NRG1: variants seen among roughly 807,000 people sequenced by gnomAD.
NRG1 encodes the protein neuregulin 1, also known as pro-neuregulin-1, membrane-bound isoform.
Under a neutral mutation model 63.8 loss-of-function variants are expected in NRG1, and 18 were observed. The ratio of observed to expected loss-of-function variants is 0.28; its 90% CI spans 0.19 to 0.42. NRG1 has a LOEUF of 0.42. Ranked by LOEUF, NRG1 falls within the 10% of genes least tolerant of loss-of-function variation. NRG1 has a pLI of 1.00. For synonymous variants in NRG1, 302 were observed against 301.3 expected (o/e 1.00, Z -0.02); for missense variants, 762 against 814.7 (o/e 0.94, Z 0.79).
intron 1 of NRG1, among the ~76,000 whole-genome samples, chr8:31,992,903 C>G (rs1167453954): frequency 6.6e-6 from 1 of 151,858 alleles, no homozygotes; most frequent in Non-Finnish European, 1.5e-5. Context: ...TAAGTGGGCT[C>G]TCTTCCAAAA....
At chr8:31,684,559 G>T (rs1563290204) in intron 1 of NRG1, among the ~76,000 whole-genome samples, 1 of 152,030 alleles carries the variant, frequency 6.6e-6, no homozygotes, top group Non-Finnish European at 1.5e-5. Flanking sequence ...ACTAATACAG[G>T]GACTCAGCAG....
rs921239655 is a variant in NRG1, at chr8:32,331,093, TA to T, written c.38-264726del. Among the ~76,000 whole-genome samples the T allele has an allele frequency of 3.1e-3, 470 of 151,326 alleles. 2 individuals are homozygous for T. The highest frequency in any genetic ancestry group is 0.01 in the African/African-American group (429 of 41,266). On this transcript the variant is annotated intron_variant, in intron 1 of 10. Transcript: ENST00000519301. Reference sequence around the variant, plus strand: ...ATTCCTTTTGCCTTTTTGTGGCGTGTAAAAAAAAAGAAATCCATAAATAGAG... The same window carrying T: ...ATTCCTTTTGCCTTTTTGTGGCGTGTAAAAAAAAGAAATCCATAAATAGAG...
At chr8:31,870,748 T>A (rs926199847) in intron 1 of NRG1, among the ~76,000 whole-genome samples, 1 of 151,996 alleles carries the variant, frequency 6.6e-6, no homozygotes, top group Admixed American at 6.5e-5. Context: ...ATTTATTTAT[T>A]TTTTTTAGTG....
At chr8:32,149,148 T>C (rs1424552586) in intron 1 of NRG1, among the ~76,000 whole-genome samples, 1 of 152,172 alleles carries the variant, frequency 6.6e-6, no homozygotes, top group African/African-American at 2.4e-5. Context: ...CAAAAGATAA[T>C]TTTAGTCACT....
chr8:32,129,258 T>G (rs1834491930), intron 1 of NRG1, among the ~76,000 whole-genome samples: 1 of 151,930 alleles, frequency 6.6e-6, no homozygotes. Context: ...GCGTGGTGCC[T>G]TAGAACAACA....
At chr8:31,783,612 A>T (rs10099903) in intron 1 of NRG1, among the ~76,000 whole-genome samples, 1 of 151,760 alleles carries the variant, frequency 6.6e-6, no homozygotes, top group African/African-American at 2.4e-5. Flanking sequence ...GCAAAAAAAA[A>T]AAAAAACAAA....
rs543465399 is a variant in NRG1 at position 32,314,108 on chromosome 8, T to G, written c.38-281720T>G. On this transcript the variant is annotated intron_variant, in intron 1 of 10. Transcript: ENST00000519301. ...TTGAAGATTAATAAATCCTTACCTCTGTTTGGTTGCACTTAGCCAGCAAAT... is the reference window on the plus strand; with the variant it reads ...TTGAAGATTAATAAATCCTTACCTCGGTTTGGTTGCACTTAGCCAGCAAAT... Among the ~76,000 whole-genome samples, 4 of 152,242 alleles carry G rather than the reference T, an allele frequency of 2.6e-5. 1 individual carries two copies. The South Asian group carries it at 8.3e-4, about 32-fold the overall frequency.
intron 1 of NRG1, among the ~76,000 whole-genome samples, chr8:32,170,870 C>T (rs1461325556): frequency 6.6e-6 from 1 of 152,134 alleles, no homozygotes; most frequent in Non-Finnish European, 1.5e-5. Context: ...AATTGCAAAA[C>T]CGCAGCTACT....
chr8:32,735,879 A>C lies in NRG1; in HGVS notation c.633-6796A>C, dbSNP rs543752679. ...TATGTCCTGGACATTGAAAAACAAC[A>C]TTTGAAAAGGCAGGACAAGTTAGGT... On this transcript the variant is annotated intron_variant, in intron 6 of 11. Coordinates refer to ENST00000356819, the Ensembl canonical transcript of NRG1. Among the ~76,000 whole-genome samples the C allele has an allele frequency of 4.6e-5, 7 of 152,276 alleles. No individual in the cohort carries two copies. In the East Asian group the frequency reaches 1.4e-3, roughly 29 times the overall value.
intron 1 of NRG1, among the ~76,000 whole-genome samples, chr8:31,741,133 C>T (rs568439992): frequency 6.6e-5 from 10 of 152,076 alleles, no homozygotes; most frequent in African/African-American, 2.4e-4. Context: ...AACCAAATAT[C>T]GCATGTTCTC....
At chr8:31,686,023 T>C (rs926947425) in intron 1 of NRG1, among the ~76,000 whole-genome samples, 1 of 152,134 alleles carries the variant, frequency 6.6e-6, no homozygotes, top group Admixed American at 6.5e-5. Flanking sequence ...AGGAGTGGAA[T>C]TGCTGGGTAA....
At chr8:32,200,274 A>G (rs1164381438) in intron 1 of NRG1, among the ~76,000 whole-genome samples, 1 of 152,148 alleles carries the variant, frequency 6.6e-6, no homozygotes, top group Non-Finnish European at 1.5e-5. Context: ...AACCGCCTCA[A>G]CTTTATATTT....
At chr8:31,797,749 G>A (rs574054924) in intron 1 of NRG1, among the ~76,000 whole-genome samples, 1 of 152,142 alleles carries the variant, frequency 6.6e-6, no homozygotes, top group Non-Finnish European at 1.5e-5. Flanking sequence ...ACTATTTATG[G>A]CAGCACTATT....
At chr8:32,175,173 C>G (rs1840561500) in intron 1 of NRG1, among the ~76,000 whole-genome samples, 1 of 152,166 alleles carries the variant, frequency 6.6e-6, no homozygotes, top group African/African-American at 2.4e-5. Context: ...CAGGCTGGTT[C>G]AACATACGAA....
chr8:32,038,399 A>C (rs566161972), intron 1 of NRG1, among the ~76,000 whole-genome samples: 2 of 151,896 alleles, frequency 1.3e-5, no homozygotes, highest in African/African-American at 4.8e-5. Flanking sequence ...TGGAAGCTGC[A>C]GACTGGAGCT....
At chr8:32,297,715 C>G (rs1380084765) in intron 1 of NRG1, among the ~76,000 whole-genome samples, 1 of 149,674 alleles carries the variant, frequency 6.7e-6, no homozygotes, top group Non-Finnish European at 1.5e-5. Context: ...GCTAACAAGC[C>G]TATACTACCA....
At chr8:32,557,032 G>A (rs926199651) in intron 1 of NRG1, among the ~76,000 whole-genome samples, 1 of 152,026 alleles carries the variant, frequency 6.6e-6, no homozygotes, top group African/African-American at 2.4e-5. Context: ...TTGAGACTAA[G>A]TCTTGCTCTG....
At chr8:32,083,477 G>T (rs577898434) in intron 1 of NRG1, among the ~76,000 whole-genome samples, 13 of 152,122 alleles carry the variant, frequency 8.5e-5, no homozygotes, top group Non-Finnish European at 1.8e-4. Flanking sequence ...TTGTGTCTGG[G>T]ATAATGTGGC....
At chr8:31,731,124 A>G (rs1814003943) in intron 1 of NRG1, among the ~76,000 whole-genome samples, 1 of 152,162 alleles carries the variant, frequency 6.6e-6, no homozygotes, top group African/African-American at 2.4e-5. Flanking sequence ...GGCAATGTAT[A>G]TCAAACCTTA....
Sources: allele counts gnomAD v4.1 joint callset (sites outside exome capture counted in the v4.1 genomes callset), GRCh38; gene constraint gnomAD v4.1.1; transcripts MANE v1.5; gene names NCBI Gene and HGNC (gene_info 2026-07-23, HGNC 2026-07-21).